The following SLC11A1 variants were observed in gnomAD, a reference collection of about 807,000 sequenced individuals.
SLC11A1 encodes solute carrier family 11 member 1.
SLC11A1 carries 59 observed loss-of-function variants against 63.2 expected under a neutral mutation model. That is an observed-to-expected ratio of 0.93 (90% CI 0.76 to 1.16). The LOEUF (loss-of-function observed/expected upper bound fraction) is 1.16. Ranked by LOEUF, SLC11A1 falls within the 50% of genes most tolerant of loss-of-function variation. SLC11A1 has a pLI of 0.00. For synonymous variants in SLC11A1, 305 were observed against 307.8 expected (o/e 0.99, Z 0.09); for missense variants, 688 against 730.7 (o/e 0.94, Z 0.67).
chr2:218,391,101 C>A, intron 9 of SLC11A1, 97 bp from the exon 10 acceptor site: 1 of 1,014,056 alleles, frequency 9.9e-7, no homozygotes, highest in Non-Finnish European at 1.6e-6. Context: ...CAGCCTTGGG[C>A]CACCAGTTTT....
chr2:218,385,001 G>C lies in SLC11A1; in HGVS notation c.274-146G>C, dbSNP rs1015063342. On this transcript the variant is annotated intron_variant, in intron 3 of 14. Coordinates refer to ENST00000233202, the MANE Select transcript of SLC11A1 (RefSeq NM_000578.4). The stretch of plus-strand genomic sequence containing the variant: ...GCCTTTTAAAGTGCTGGGATTACAG[G>C]GTGAGCTACCAGCGCCCAGCCAGGA... The C allele has an allele frequency of 4.9e-6, 5 of 1,013,512 alleles. No individual in the cohort carries two copies. In the African/African-American group the frequency reaches 8.0e-5, roughly 16 times the overall value. The allele number at this position is 1,013,512 out of a possible 1,614,324, so 62.8% of individuals were successfully genotyped here.
rs371489451 is a variant in SLC11A1, at chr2:218,389,895, G to C, written c.821G>C (p.Arg274Pro). Residue 274 changes from arginine to proline, a missense_variant, in exon 9 of 15, where the codon CGA becomes CCA. Physicochemically the swap from Arg to Pro is moderately radical, Grantham distance 103. Coordinates refer to ENST00000233202, the MANE Select transcript of SLC11A1 (RefSeq NM_000578.4). Reference sequence around the variant, plus strand: ...TCTCGAGAGATAGACCGGGCCCGCCGAGCAGACATCAGAGAAGCCAACATG... The same window carrying C: ...TCTCGAGAGATAGACCGGGCCCGCCCAGCAGACATCAGAGAAGCCAACATG... ...VKSREIDRAR[R>P]ADIREANMYF... 1 of 1,613,246 alleles carries C rather than the reference G, an allele frequency of 6.2e-7. No homozygotes were observed. Among genetic ancestry groups the C allele is most frequent in the East Asian group, 2.2e-5 (1 of 44,848 alleles).
At chr2:218,392,692 A>G in intron 11 of SLC11A1, 1 of 345,050 alleles carries the variant, frequency 2.9e-6, no homozygotes. Context: ...TACAGATGAG[A>G]AAACAGATCC....
At chr2:218,388,970 ATAAAT>A (rs1447129079) in intron 8 of SLC11A1, among the ~76,000 whole-genome samples, 7 of 151,884 alleles carry the variant, frequency 4.6e-5, no homozygotes, top group African/African-American at 1.5e-4. Context: ...AAAAAATAAA[ATAAAT>A]TAGTTGGGTG....
intron 7 of SLC11A1, 31 bp downstream of exon 7, chr2:218,387,663 G>A (rs1382726933): frequency 6.2e-7 from 1 of 1,613,332 alleles, no homozygotes; most frequent in South Asian, 1.1e-5. Context: ...CCCCACTGTG[G>A]ACCTCCCAAG....
intron 2 of SLC11A1, 195 bp downstream of exon 2, chr2:218,383,297 C>A (rs1043053998): frequency 1.0e-5 from 6 of 593,180 alleles, no homozygotes; most frequent in Non-Finnish European, 1.5e-5. Flanking sequence ...CAGTATTTGT[C>A]TAAAAGCGAT....
At chr2:218,383,289 G>C in intron 2 of SLC11A1, 187 bp downstream of exon 2, 1 of 617,404 alleles carries the variant, frequency 1.6e-6, no homozygotes, top group Non-Finnish European at 2.8e-6. Flanking sequence ...GGGTGCTTCA[G>C]TATTTGTCTA....
intron 9 of SLC11A1, among the ~76,000 whole-genome samples, 169 bp from the exon 10 acceptor site, chr2:218,391,026 TAAA>T (rs1696402530): frequency 6.6e-6 from 1 of 151,836 alleles, no homozygotes; most frequent in Non-Finnish European, 1.5e-5. Context: ...CTACAAAACG[TAAA>T]AGTAAAACAA....
At position 218,396,570 on chromosome 2, in the gene SLC11A1, G is replaced by A. The variant is rs547081701; in HGVS notation, c.*1535G>A. On this transcript the variant is annotated 3_prime_UTR_variant, in exon 15 of 15. Transcript: ENST00000233202. ...CTCTTTCTTAAAAGGGCAACGATGC[G>A]AGTGGGTCCCTCAAGGAGAGAAGAG... The A allele has an allele frequency of 3.3e-4, 51 of 152,554 alleles. No individual in the cohort carries two copies. Among genetic ancestry groups the A allele is most frequent in the Middle Eastern group, 3.4e-3 (1 of 294 alleles). The allele number at this position is 152,554 out of a possible 1,614,324, so 9.5% of individuals were successfully genotyped here.
At position 218,387,799 on chromosome 2, in the gene SLC11A1, G is replaced by A; in HGVS notation, c.640-1G>A. ...TGTCCTGACCAGGCTCCTCCCTGCA[G>A]TATGTGGTGGCGCGTCCTGAGCAGG... On this transcript the variant is annotated splice_acceptor_variant, in intron 7 of 14. Transcript: ENST00000233202. LOFTEE classifies it high-confidence loss of function. 1.2e-6 allele frequency: 2 copies of A among 1,609,764 alleles called. No individual in the cohort carries two copies. Among genetic ancestry groups the A allele is most frequent in the East Asian group, 2.2e-5 (1 of 44,768 alleles).
rs1195632455 is a variant in SLC11A1 at position 218,384,386 on chromosome 2, G to A, written c.273+21G>A. The A allele has an allele frequency of 1.3e-6, 2 of 1,585,106 alleles. No individual in the cohort carries two copies. The highest frequency in any genetic ancestry group is 1.7e-5 in the Admixed American group (1 of 59,028). On this transcript the variant is annotated intron_variant, in intron 3 of 14. Coordinates refer to ENST00000233202, the MANE Select transcript of SLC11A1 (RefSeq NM_000578.4). The surrounding 1 kb of genome is among the most constrained non-coding windows in gnomAD (Gnocchi z 4.0). ...TCAAAGTAACTAAGTCGGGACCTGAGTGGGGACACTTTCGAGAGGGAGGTG... is the reference window on the plus strand; with the variant it reads ...TCAAAGTAACTAAGTCGGGACCTGAATGGGGACACTTTCGAGAGGGAGGTG...
In SLC11A1 at chr2:218,395,062, G is replaced by C. The variant is rs780124494; in HGVS notation, c.*27G>C. 6.5e-7 allele frequency: 1 copy of C among 1,531,390 alleles called. No homozygotes were observed. The highest frequency in any genetic ancestry group is 1.2e-5 in the South Asian group (1 of 85,656). 94.9% of individuals were successfully genotyped at this position (1,531,390 alleles called of 1,614,324 possible). A position where few individuals can be genotyped will look rare whatever the true frequency, so the allele number is the denominator to read the frequency against. ...CCCACACCAGGGCCTGGCTGGGAGT[G>C]GCATGTATGACGTGACTGGCCTGCT... On this transcript the variant is annotated 3_prime_UTR_variant, in exon 15 of 15. Transcript: ENST00000233202.
chr2:218,384,455 A>C lies in SLC11A1; in HGVS notation c.273+90A>C. On this transcript the variant is annotated intron_variant, in intron 3 of 14. Transcript: ENST00000233202. The surrounding 1 kb of genome is among the most constrained non-coding windows in gnomAD (Gnocchi z 4.0). ...GGCCCCTGCTGGCCATGTTTCTCCA[A>C]TGTGGCCTGGGAGCTGGTGTTAAGT... 5.4e-6 allele frequency: 8 copies of C among 1,468,030 alleles called. No homozygotes were observed. Among genetic ancestry groups the C allele is most frequent in the East Asian group, 2.4e-5 (1 of 42,164 alleles). 90.9% of individuals were successfully genotyped at this position (1,468,030 alleles called of 1,614,324 possible). A position where few individuals can be genotyped will look rare whatever the true frequency, so the allele number is the denominator to read the frequency against.
At chr2:218,389,160 C>T (rs1213688280) in intron 8 of SLC11A1, among the ~76,000 whole-genome samples, 1 of 151,376 alleles carries the variant, frequency 6.6e-6, no homozygotes, top group Non-Finnish European at 1.5e-5. Flanking sequence ...GTAAACAAAA[C>T]AGAGAAATAT....
chr2:218,393,929 C>A (rs1439211286), intron 12 of SLC11A1, among the ~76,000 whole-genome samples, 191 bp from the exon 13 acceptor site: 1 of 152,060 alleles, frequency 6.6e-6, no homozygotes, highest in Non-Finnish European at 1.5e-5. Flanking sequence ...GGTGCCAGAG[C>A]CCCCAAACAC....
chr2:218,395,199 C>T lies in SLC11A1; in HGVS notation c.*164C>T, dbSNP rs1245838735. The T allele has an allele frequency of 1.6e-6, 1 of 606,352 alleles. No homozygotes were observed. Among genetic ancestry groups the T allele is most frequent in the Admixed American group, 2.8e-5 (1 of 35,320 alleles). The allele number at this position is 606,352 out of a possible 1,614,324, so 37.6% of individuals were successfully genotyped here. ...TTTCCTAGCGCAGCCATGTGATTAC[C>T]CTCTGGGTCTCAGTGTCCTCATCTG... On this transcript the variant is annotated 3_prime_UTR_variant, in exon 15 of 15. Coordinates refer to ENST00000233202, the MANE Select transcript of SLC11A1 (RefSeq NM_000578.4).
In SLC11A1 at chr2:218,386,513, G is replaced by A. The variant is rs978032097; in HGVS notation, c.394-122G>A. The A allele has an allele frequency of 7.6e-6, 5 of 659,348 alleles. No individual in the cohort carries two copies. The Admixed American group carries it at 9.6e-5, about 13-fold the overall frequency. 40.8% of individuals were successfully genotyped at this position (659,348 alleles called of 1,614,324 possible). On this transcript the variant is annotated intron_variant, in intron 4 of 14. Transcript: ENST00000233202. ...TCTCCTGTATGCTCTTCCTACATAA[G>A]GTAGGAAGCCCATTGGCCAGACTGT...
Position 218,384,888 on chromosome 2 carries a change from A to C in SLC11A1, c.274-259A>C, listed in dbSNP as rs1695994877. The C allele has an allele frequency of 2.5e-6, 1 of 401,346 alleles. No individual in the cohort carries two copies. Among genetic ancestry groups the C allele is most frequent in the South Asian group, 2.2e-5 (1 of 45,140 alleles). The allele number at this position is 401,346 out of a possible 1,614,324, so 24.9% of individuals were successfully genotyped here. A position where few individuals can be genotyped will look rare whatever the true frequency, so the allele number is the denominator to read the frequency against. On this transcript the variant is annotated intron_variant, in intron 3 of 14. Transcript: ENST00000233202. The surrounding 1 kb of genome is among the most constrained non-coding windows in gnomAD (Gnocchi z 4.0). ...AGGTGTGAGCCACCTTGCCTGGCGTAATTTATTTATTTATTTAGAGATGGG... is the reference window on the plus strand; with the variant it reads ...AGGTGTGAGCCACCTTGCCTGGCGTCATTTATTTATTTATTTAGAGATGGG...
Position 218,395,147 on chromosome 2 carries a change from C to A in SLC11A1, c.*112C>A. 1.3e-6 allele frequency: 1 copy of A among 774,948 alleles called. No homozygotes were observed. The highest frequency in any genetic ancestry group is 2.1e-6 in the Non-Finnish European group (1 of 474,802). 48.0% of individuals were successfully genotyped at this position (774,948 alleles called of 1,614,324 possible). On this transcript the variant is annotated 3_prime_UTR_variant, in exon 15 of 15. Transcript: ENST00000233202. ...GAGTGGGACAGTTCCTGAGACCAGC[C>A]AACCTGGGGGCTTTAGGGACCTGCT...
Sources: gnomAD v4.1 joint callset for allele counts (sites outside exome capture counted in the v4.1 genomes callset) on GRCh38, gnomAD v4.1.1 for gene constraint, Gnocchi (gnomAD v3.1) non-coding constraint, MANE v1.5 for transcripts, NCBI Gene and HGNC (gene_info 2026-07-23, HGNC 2026-07-21) for gene names.